GPR137C: variants seen among roughly 807,000 people sequenced by gnomAD.
GPR137C encodes the protein G protein-coupled receptor 137C, also known as integral membrane protein GPR137C.
A neutral mutation model predicts 43.4 loss-of-function variants in GPR137C; 27 were observed. The observed-to-expected ratio is 0.62, with a 90% confidence interval of 0.46 to 0.86. The LOEUF (loss-of-function observed/expected upper bound fraction) is 0.86. Among genes scored for constraint, GPR137C ranks in the 40% least tolerant of loss-of-function variants. The pLI is 0.00. For synonymous variants in GPR137C, 285 were observed against 226.9 expected (o/e 1.26, Z -2.30); for missense variants, 522 against 534.6 (o/e 0.98, Z 0.23).
At chr14:52,589,098 T>G (rs1017329846) in intron 1 of GPR137C, among the ~76,000 whole-genome samples, 2 of 152,200 alleles carry the variant, frequency 1.3e-5, no homozygotes, top group African/African-American at 4.8e-5. Flanking sequence ...TAAATAAACC[T>G]TGAAGACATT....
chr14:52,624,904 A>G (rs768925828), intron 3 of GPR137C, among the ~76,000 whole-genome samples: 2 of 152,178 alleles, frequency 1.3e-5, no homozygotes, highest in Non-Finnish European at 2.9e-5. Context: ...ATCACTAAAC[A>G]TCTTACAGAC....
chr14:52,629,260 C>T (rs187381959), intron 3 of GPR137C, among the ~76,000 whole-genome samples: 115 of 152,274 alleles, frequency 7.6e-4, no homozygotes, highest in African/African-American at 2.7e-3. Context: ...CCAGCAATTC[C>T]GCTCTTAGGT....
chr14:52,597,718 C>T (rs1160675423), intron 1 of GPR137C, among the ~76,000 whole-genome samples: 1 of 152,188 alleles, frequency 6.6e-6, no homozygotes, highest in East Asian at 1.9e-4. Context: ...TACCTACTCA[C>T]CTGACTTTAT....
chr14:52,572,047 G>T (rs1018902937), intron 1 of GPR137C, among the ~76,000 whole-genome samples: 2 of 152,158 alleles, frequency 1.3e-5, no homozygotes, highest in African/African-American at 4.8e-5. Context: ...ACTAAACCAG[G>T]AAGAAGTCAA....
At chr14:52,613,961 A>C (rs545015389) in intron 3 of GPR137C, among the ~76,000 whole-genome samples, 1 of 152,268 alleles carries the variant, frequency 6.6e-6, no homozygotes, top group South Asian at 2.1e-4. Flanking sequence ...ACTAATTTAC[A>C]TTCCCACCAA....
intron 1 of GPR137C, among the ~76,000 whole-genome samples, chr14:52,588,188 A>C (rs1053831550): frequency 6.6e-6 from 1 of 152,216 alleles, no homozygotes; most frequent in Non-Finnish European, 1.5e-5. Flanking sequence ...CTTGTTGCCC[A>C]GGCTGGAGAG....
rs550577276 is a variant in GPR137C at position 52,568,959 on chromosome 14, C to T, written c.444+15368C>T. ...TTGAGCTCTGCTAAGGGACAGACTGCCTCCTCAATTGGGTCCCTGACCACT... is the reference window on the plus strand; with the variant it reads ...TTGAGCTCTGCTAAGGGACAGACTGTCTCCTCAATTGGGTCCCTGACCACT... On this transcript the variant is annotated intron_variant, in intron 1 of 6. Transcript: ENST00000321662. Among the ~76,000 whole-genome samples the T allele has an allele frequency of 7.2e-5, 11 of 152,354 alleles. No individual in the cohort carries two copies. The East Asian group carries it at 1.2e-3, about 16-fold the overall frequency.
At chr14:52,615,516 A>T (rs899723058) in intron 3 of GPR137C, among the ~76,000 whole-genome samples, 1 of 146,818 alleles carries the variant, frequency 6.8e-6, no homozygotes, top group African/African-American at 2.5e-5. Flanking sequence ...TGGCATTTTA[A>T]TAGGGATTGC....
intron 1 of GPR137C, among the ~76,000 whole-genome samples, chr14:52,569,657 A>G (rs11157921): frequency 0.097 from 14,721 of 151,710 alleles, 1,064 homozygotes; most frequent in East Asian, 0.36. Flanking sequence ...ACAAGTATCA[A>G]TAGTCAAATC....
rs2039303381 is a variant in GPR137C at position 52,632,242 on chromosome 14, T to G, written c.800T>G (p.Val267Gly). The stretch of plus-strand genomic sequence containing the variant: ...TCCAGAGCTTGTTATAATTTGGTGG[T>G]GGTCACCATATCTCAGGATACATTA... ...YSSRACYNLV[V>G]VTISQDTLES... Residue 267 changes from valine (V) to glycine (G), a missense_variant, in exon 4 of 7, where the codon GTG becomes GGG. By Grantham distance (109) the Val-to-Gly change is moderately radical. Coordinates refer to ENST00000321662, the MANE Select transcript of GPR137C (RefSeq NM_001099652.2). 7 of 1,609,708 alleles carry G rather than the reference T, an allele frequency of 4.3e-6. No individual in the cohort carries two copies. Among genetic ancestry groups the G allele is most frequent in the Non-Finnish European group, 6.0e-6 (7 of 1,176,122 alleles).
intron 3 of GPR137C, among the ~76,000 whole-genome samples, chr14:52,628,271 A>G (rs1330828590): frequency 6.6e-6 from 1 of 152,198 alleles, no homozygotes; most frequent in Non-Finnish European, 1.5e-5. Context: ...AATTTTTTAA[A>G]CTAGTGGTGC....
At chr14:52,612,205 G>A (rs749380366) in intron 3 of GPR137C, 98 of 983,056 alleles carry the variant, frequency 1.0e-4, no homozygotes, top group East Asian at 2.3e-4. Flanking sequence ...CTAAACAGCC[G>A]TAGTGTCACC....
chr14:52,598,386 G>A, intron 2 of GPR137C, 71 bp downstream of exon 2: 1 of 629,378 alleles, frequency 1.6e-6, no homozygotes, highest in South Asian at 2.5e-5. Context: ...TTAAGGCTTA[G>A]TATCTAAAAG....
rs1384402740 is a variant in GPR137C at position 52,635,691 on chromosome 14, T to TA, written c.*579dup. On this transcript the variant is annotated 3_prime_UTR_variant, in exon 7 of 7. Transcript: ENST00000321662. ...AATAGCAACTGAAATTCAATCATTT[T>TA]AAACAAATGATGGTAGTAATCCATT... The TA allele has an allele frequency of 2.6e-5, 4 of 152,180 alleles. No homozygotes were observed. The highest frequency in any genetic ancestry group is 5.9e-5 in the Non-Finnish European group (4 of 68,024). The allele number at this position is 152,180 out of a possible 1,614,324, so 9.4% of individuals were successfully genotyped here.
intron 3 of GPR137C, among the ~76,000 whole-genome samples, chr14:52,621,815 C>T (rs550517924): frequency 6.0e-4 from 90 of 151,252 alleles, no homozygotes; most frequent in Non-Finnish European, 1.1e-3. Flanking sequence ...ATTGATGATG[C>T]CAGAGAGCTT....
chr14:52,585,368 C>T (rs145561184), intron 1 of GPR137C, among the ~76,000 whole-genome samples: 24 of 151,524 alleles, frequency 1.6e-4, no homozygotes, highest in Admixed American at 1.5e-3. Flanking sequence ...CTCTTGCTCT[C>T]GCTCTCACTT....
At chr14:52,603,091 C>CCTCCCCTACCACTCTTCCTT (rs1203391131) in intron 3 of GPR137C, among the ~76,000 whole-genome samples, 4 of 152,268 alleles carry the variant, frequency 2.6e-5, no homozygotes, top group Admixed American at 2.6e-4. Context: ...TTCTCTTCAT[C>CCTCCCCTACCACTCTTCCTT]CTCCCCTACC....
chr14:52,604,709 A>G (rs980515456), intron 3 of GPR137C, among the ~76,000 whole-genome samples: 2 of 152,128 alleles, frequency 1.3e-5, no homozygotes, highest in Non-Finnish European at 2.9e-5. Flanking sequence ...TGGCCTCCCA[A>G]AGTGCCAGGA....
At chr14:52,590,678 T>A (rs1281447116) in intron 1 of GPR137C, among the ~76,000 whole-genome samples, 1 of 152,208 alleles carries the variant, frequency 6.6e-6, no homozygotes, top group Non-Finnish European at 1.5e-5. Context: ...GCACATAGCA[T>A]TTGGTACAGC....
Sources: gnomAD v4.1 joint callset for allele counts (sites outside exome capture counted in the v4.1 genomes callset) on GRCh38, gnomAD v4.1.1 for gene constraint, MANE v1.5 for transcripts, NCBI Gene and HGNC (gene_info 2026-07-23, HGNC 2026-07-21) for gene names.